The following PIK3C3 variants were observed in gnomAD, a reference collection of about 807,000 sequenced individuals.
PIK3C3 encodes the protein phosphatidylinositol 3-kinase catalytic subunit type 3.
Under a neutral mutation model 126.1 loss-of-function variants are expected in PIK3C3, and 95 were observed. The ratio of observed to expected loss-of-function variants is 0.75; its 90% CI spans 0.64 to 0.89. PIK3C3 has a LOEUF of 0.89. Ranked by LOEUF, PIK3C3 falls within the 40% of genes least tolerant of loss-of-function variation. The pLI is 0.00. For missense variants in PIK3C3, 829 were observed against 1,063.2 expected, an observed-to-expected ratio of 0.78 and a Z score of 3.06; for synonymous variants, 374 against 360.0, an observed-to-expected ratio of 1.04 and a Z score of -0.44.
intron 4 of PIK3C3, among the ~76,000 whole-genome samples, chr18:41,972,574 A>G (rs1980722101): frequency 6.6e-6 from 1 of 152,236 alleles, no homozygotes; most frequent in African/African-American, 2.4e-5. Context: ...CATCCCTAAT[A>G]GAATTGTACT....
chr18:42,060,212 G>T (rs542142073), intron 22 of PIK3C3, among the ~76,000 whole-genome samples: 1 of 151,976 alleles, frequency 6.6e-6, no homozygotes, highest in Non-Finnish European at 1.5e-5. Flanking sequence ...AGATATGATC[G>T]GCCCTGTTAT....
intron 23 of PIK3C3, 31 bp downstream of exon 23, chr18:42,064,861 C>A (rs779164369): frequency 8.7e-7 from 1 of 1,152,944 alleles, no homozygotes; most frequent in Non-Finnish European, 1.3e-6. Context: ...ATGAAGAGCT[C>A]TTCTGTATAA....
chr18:42,050,118 G>T (rs1242080563), intron 21 of PIK3C3: 2 of 152,306 alleles, frequency 1.3e-5, no homozygotes, highest in Non-Finnish European at 2.9e-5. Context: ...CCTACAGATG[G>T]TCATTTTGCC....
At chr18:42,037,414 A>G (rs1984103754) in intron 16 of PIK3C3, among the ~76,000 whole-genome samples, 1 of 152,244 alleles carries the variant, frequency 6.6e-6, no homozygotes, top group African/African-American at 2.4e-5. Flanking sequence ...AAGGATATGC[A>G]TAAGACTGTC....
rs1425763027 is a variant in PIK3C3, at chr18:41,996,143, G to A, written c.891+149G>A. ...ATCATGTTCATAATTTCACAGATCA[G>A]CAGTTCTGTTATCATTTGGGGCTTT... On this transcript the variant is annotated intron_variant, in intron 8 of 24. Coordinates refer to ENST00000262039, the MANE Select transcript of PIK3C3 (RefSeq NM_002647.4). 3 of 644,132 alleles carry A rather than the reference G, an allele frequency of 4.7e-6. No homozygotes were observed. In the East Asian group the frequency reaches 8.2e-5, roughly 18 times the overall value. 39.9% of individuals were successfully genotyped at this position (644,132 alleles called of 1,614,324 possible).
chr18:42,058,679 A>G (rs116806442), intron 22 of PIK3C3, among the ~76,000 whole-genome samples: 115 of 152,204 alleles, frequency 7.6e-4, no homozygotes, highest in African/African-American at 2.7e-3. Context: ...TTTTTTCTTC[A>G]ACACCACTAA....
intron 1 of PIK3C3, among the ~76,000 whole-genome samples, chr18:41,955,597 G>A (rs1446021519): frequency 1.3e-5 from 2 of 152,222 alleles, no homozygotes; most frequent in African/African-American, 4.8e-5. Flanking sequence ...TAGCCCTTAA[G>A]TTCCGCTGTA....
At chr18:41,973,548 TTTA>T (rs1001578691) in intron 4 of PIK3C3, among the ~76,000 whole-genome samples, 1 of 152,074 alleles carries the variant, frequency 6.6e-6, no homozygotes, top group African/African-American at 2.4e-5. Flanking sequence ...TTTGACTGAA[TTTA>T]TTATTATTAT....
chr18:42,004,526 A>G lies in PIK3C3; in HGVS notation c.1155A>G (p.Arg385=), dbSNP rs754044740. ...GGCGTTATGCTGTTGCCCGGTTGCG[A>G]CAGGCCGATGATGAGGTGCATTATT... ...TVRRYAVARL[R]QADDEDLLMY... Residue 385 remains arginine (R), a synonymous_variant, in exon 10 of 25, where the codon CGA becomes CGG. Transcript: ENST00000262039. The G allele has an allele frequency of 6.3e-7, 1 of 1,592,802 alleles. No individual in the cohort carries two copies.
intron 9 of PIK3C3, 56 bp from the exon 10 acceptor site, chr18:42,004,300 C>T (rs3819162): frequency 0.13 from 187,759 of 1,400,478 alleles, 13,821 homozygotes; most frequent in East Asian, 0.31. Flanking sequence ...GCCTAGTCAA[C>T]TTCTCTATCC....
At chr18:42,038,944 A>G in intron 18 of PIK3C3, 94 bp downstream of exon 18, 1 of 743,250 alleles carries the variant, frequency 1.3e-6, no homozygotes, top group Non-Finnish European at 2.2e-6. Context: ...AGATACAAAT[A>G]AATTCCATTT....
Position 42,076,966 on chromosome 18 carries a change from AT to A in PIK3C3, c.2650-4150del, listed in dbSNP as rs548653054. On this transcript the variant is annotated intron_variant, in intron 24 of 24. Coordinates refer to ENST00000262039, the MANE Select transcript of PIK3C3 (RefSeq NM_002647.4). The stretch of plus-strand genomic sequence containing the variant: ...TCTCTGCTATATGTTTTTTATTTTT[AT>A]TTTTTTCCTAAAGACACAGACATTT... 1.2e-4 allele frequency among the ~76,000 whole-genome samples: 19 copies of A among 152,076 alleles called. 1 individual carries two copies. The East Asian group carries it at 3.5e-3, about 28-fold the overall frequency.
intron 4 of PIK3C3, among the ~76,000 whole-genome samples, chr18:41,980,958 TAAAC>T (rs911117173): frequency 6.6e-6 from 1 of 152,156 alleles, no homozygotes; most frequent in Non-Finnish European, 1.5e-5. Flanking sequence ...ATGACAATAA[TAAAC>T]AACAGAATTA....
At chr18:42,061,461 A>G (rs1009563283) in intron 22 of PIK3C3, among the ~76,000 whole-genome samples, 3 of 152,102 alleles carry the variant, frequency 2.0e-5, no homozygotes, top group Non-Finnish European at 4.4e-5. Flanking sequence ...CACTGCCTGT[A>G]GTCCCAGTTA....
intron 4 of PIK3C3, among the ~76,000 whole-genome samples, chr18:41,980,145 GA>G (rs1981126150): frequency 6.6e-6 from 1 of 152,080 alleles, no homozygotes; most frequent in African/African-American, 2.4e-5. Context: ...ATTGTTTTCA[GA>G]ATTTAACACT....
intron 24 of PIK3C3, among the ~76,000 whole-genome samples, chr18:42,075,471 T>A (rs1437761420): frequency 6.6e-6 from 1 of 151,944 alleles, no homozygotes; most frequent in Non-Finnish European, 1.5e-5. Context: ...ACAGGAAAAA[T>A]CATTAATAGC....
intron 6 of PIK3C3, among the ~76,000 whole-genome samples, chr18:41,992,889 A>G (rs375136191): frequency 6.6e-6 from 1 of 152,150 alleles, no homozygotes; most frequent in East Asian, 1.9e-4. Context: ...CAACACATCC[A>G]TTGTGCCACA....
chr18:41,990,390 G>T, intron 5 of PIK3C3, 69 bp from the exon 6 acceptor site: 1 of 869,356 alleles, frequency 1.2e-6, no homozygotes, highest in Non-Finnish European at 1.9e-6. Flanking sequence ...TAGGAAAAAT[G>T]ATACATACTG....
intron 2 of PIK3C3, among the ~76,000 whole-genome samples, chr18:41,958,826 G>T (rs1979931202): frequency 6.6e-6 from 1 of 151,884 alleles, no homozygotes; most frequent in Admixed American, 6.6e-5. Flanking sequence ...TACAAAAATA[G>T]AATAATACAG....
Sources: gnomAD v4.1 joint callset for allele counts (sites outside exome capture counted in the v4.1 genomes callset) on GRCh38, gnomAD v4.1.1 for gene constraint, MANE v1.5 for transcripts, NCBI Gene and HGNC (gene_info 2026-07-23, HGNC 2026-07-21) for gene names.